Variants in GEN1 observed in about 807,000 individuals in gnomAD.
GEN1 encodes GEN1 structure-specific endonuclease.
Under a neutral mutation model 67.6 loss-of-function variants are expected in GEN1, and 64 were observed. That is an observed-to-expected ratio of 0.95 (90% CI 0.77 to 1.17). GEN1 has a LOEUF of 1.17. GEN1 is among the 50% of genes most tolerant of loss of function. The pLI is 0.00. For synonymous variants in GEN1, 371 were observed against 359.4 expected (o/e 1.03, Z -0.37); for missense variants, 1,058 against 1,048.3 (o/e 1.01, Z -0.13).
In GEN1 at chr2:17,787,086, G is replaced by T. The variant is rs1207602879; in HGVS notation, c.*5147G>T. 1 of 152,192 alleles carries T rather than the reference G, an allele frequency of 6.6e-6. No individual in the cohort carries two copies. The highest frequency in any genetic ancestry group is 1.5e-5 in the Non-Finnish European group (1 of 68,064). 9.4% of individuals were successfully genotyped at this position (152,192 alleles called of 1,614,324 possible). On this transcript the variant is annotated 3_prime_UTR_variant, in exon 14 of 14. Transcript: ENST00000381254. ...ACGGATGTCTCTGCCTGAAATGCTT[G>T]CTGCTTCCTTATTGGCTAGATAAAC...
rs1478239159 is a variant in GEN1, at chr2:17,778,279, TATAC to T, written c.1264+218_1264+221del. Among the ~76,000 whole-genome samples, 61 of 28,820 alleles carry T rather than the reference TATAC, an allele frequency of 2.1e-3. 6 individuals carry two copies. Among genetic ancestry groups the T allele is most frequent in the African/African-American group, 4.8e-3 (52 of 10,798 alleles). 18.9% of individuals were successfully genotyped at this position (28,820 alleles called of 152,430 possible). ...ACACATATGTGTGTACATATATGTATATACACACACATGTGTGTGTACATATATG... is the reference window on the plus strand; with the variant it reads ...ACACATATGTGTGTACATATATGTATACACACATGTGTGTGTACATATATG... On this transcript the variant is annotated intron_variant, in intron 12 of 13. Coordinates refer to ENST00000381254, the MANE Select transcript of GEN1 (RefSeq NM_001130009.3).
intron 1 of GEN1, among the ~76,000 whole-genome samples, chr2:17,758,697 C>T (rs1036449903): frequency 2.6e-5 from 4 of 151,994 alleles, no homozygotes; most frequent in African/African-American, 9.7e-5. Flanking sequence ...CAGAATAATA[C>T]TCATGGCAGG....
chr2:17,770,175 G>A (rs1001708747), intron 6 of GEN1, among the ~76,000 whole-genome samples: 4 of 152,064 alleles, frequency 2.6e-5, no homozygotes, highest in African/African-American at 4.8e-5. Flanking sequence ...ATAACACCTG[G>A]CTAACTCCAA....
rs1478222085 is a variant in GEN1 at position 17,778,260 on chromosome 2, A to ACG, written c.1264+197_1264+198insCG. 1.7e-3 allele frequency among the ~76,000 whole-genome samples: 62 copies of ACG among 37,278 alleles called. 11 individuals are homozygous for ACG. Among genetic ancestry groups the ACG allele is most frequent in the African/African-American group, 3.3e-3 (52 of 15,644 alleles). 24.5% of individuals were successfully genotyped at this position (37,278 alleles called of 152,430 possible). A position where few individuals can be genotyped will look rare whatever the true frequency, so the allele number is the denominator to read the frequency against. On this transcript the variant is annotated intron_variant, in intron 12 of 13. Transcript: ENST00000381254. ...TGTGTACATATATGTATACACACAT[A>ACG]TGTGTGTACATATATGTATATACAC...
At chr2:17,761,305 C>A in intron 2 of GEN1, 91 bp from the exon 3 acceptor site, 1 of 651,670 alleles carries the variant, frequency 1.5e-6, no homozygotes, top group Non-Finnish European at 2.6e-6. Context: ...GTTTTTGATA[C>A]TAGTCTAATG....
chr2:17,769,012 G>T (rs565578750), intron 6 of GEN1, among the ~76,000 whole-genome samples: 2 of 151,828 alleles, frequency 1.3e-5, no homozygotes, highest in African/African-American at 2.4e-5. Flanking sequence ...GTTCCAAGCC[G>T]TATTGCATTT....
rs1572432039 is a variant in GEN1, at chr2:17,784,562, A to C, written c.*2623A>C. The C allele has an allele frequency of 6.6e-6, 1 of 152,252 alleles. No homozygotes were observed. Among genetic ancestry groups the C allele is most frequent in the South Asian group, 2.1e-4 (1 of 4,832 alleles). 9.4% of individuals were successfully genotyped at this position (152,252 alleles called of 1,614,324 possible). On this transcript the variant is annotated 3_prime_UTR_variant, in exon 14 of 14. Transcript: ENST00000381254. ...ATAGCCTAAAAGTGGAAACAATCCC[A>C]GTTCCAGAATGAGGAAGGGGAGAAA... is the stretch of plus-strand genomic sequence containing the variant.
At chr2:17,753,498 C>T (rs1029634656), upstream of GEN1, 8 of 152,442 alleles carry the variant, frequency 5.2e-5, no homozygotes, top group African/African-American at 1.9e-4. Context: ...CAAGGACGAC[C>T]ATGAACACCG....
intron 10 of GEN1, among the ~76,000 whole-genome samples, chr2:17,773,721 AAAT>A (rs1672300208): frequency 6.6e-6 from 1 of 152,134 alleles, no homozygotes; most frequent in Admixed American, 6.6e-5. Context: ...CTCAAAACAG[AAAT>A]AATATTACTT....
intron 3 of GEN1, among the ~76,000 whole-genome samples, chr2:17,762,377 TG>T (rs905299191): frequency 5.3e-5 from 8 of 151,562 alleles, no homozygotes; most frequent in Non-Finnish European, 1.2e-4. Flanking sequence ...AAGTTTTTTT[TG>T]TTTTTTTTTT....
intron 7 of GEN1, 24 bp from the exon 8 acceptor site, chr2:17,772,610 T>C (rs751360597): frequency 3.2e-6 from 5 of 1,570,646 alleles, no homozygotes; most frequent in Admixed American, 2.0e-5. Flanking sequence ...AAAAATATTA[T>C]ACTTTTTTTG....
intron 3 of GEN1, among the ~76,000 whole-genome samples, chr2:17,764,590 A>G (rs1671834768): frequency 6.6e-6 from 1 of 152,182 alleles, no homozygotes; most frequent in South Asian, 2.1e-4. Flanking sequence ...TTTTGAAGCA[A>G]ATCGTAGACA....
chr2:17,763,313 A>G (rs1298873499), intron 3 of GEN1, among the ~76,000 whole-genome samples: 1 of 152,288 alleles, frequency 6.6e-6, no homozygotes, highest in East Asian at 1.9e-4. Context: ...TGTATAATCA[A>G]TTCCTGGAAA....
At chr2:17,768,343 G>A (rs1672025898) in intron 5 of GEN1, among the ~76,000 whole-genome samples, 1 of 152,166 alleles carries the variant, frequency 6.6e-6, no homozygotes, top group Non-Finnish European at 1.5e-5. Flanking sequence ...AAATGTTCAT[G>A]TAATTAAATG....
At chr2:17,756,355 TGTAA>T (rs1671435287) in intron 1 of GEN1, among the ~76,000 whole-genome samples, 2 of 152,252 alleles carry the variant, frequency 1.3e-5, no homozygotes, top group South Asian at 4.1e-4. Flanking sequence ...CATTGATTCA[TGTAA>T]GTAGACTTGT....
At chr2:17,772,001 G>A (rs1177963910) in intron 7 of GEN1, among the ~76,000 whole-genome samples, 1 of 151,834 alleles carries the variant, frequency 6.6e-6, no homozygotes, top group Non-Finnish European at 1.5e-5. Context: ...ATAGTTTTTT[G>A]ATAACTTATA....
intron 7 of GEN1, 55 bp from the exon 8 acceptor site, chr2:17,772,579 A>G: frequency 2.0e-6 from 3 of 1,500,914 alleles, no homozygotes; most frequent in Non-Finnish European, 2.7e-6. Context: ...GAATGTATGT[A>G]GAAAGTAATT....
rs944175795 is a variant in GEN1, at chr2:17,782,205, C to T, written c.*266C>T. ...GTAGTTTTAAAATATTGGTATAGTA[C>T]TTGACAGAGTAAATACTTCATCTGA... is the stretch of plus-strand genomic sequence containing the variant. On this transcript the variant is annotated 3_prime_UTR_variant, in exon 14 of 14. Transcript: ENST00000381254. The T allele has an allele frequency of 1.2e-5, 3 of 255,912 alleles. No homozygotes were observed. The highest frequency in any genetic ancestry group is 6.7e-5 in the African/African-American group (3 of 44,868). The allele number at this position is 255,912 out of a possible 1,614,324, so 15.9% of individuals were successfully genotyped here.
At position 17,764,928 on chromosome 2, in the gene GEN1, C is replaced by A; in HGVS notation, c.380C>A (p.Pro127His). 6.2e-7 allele frequency: 1 copy of A among 1,614,018 alleles called. No individual in the cohort carries two copies. Residue 127 changes from proline to histidine, a missense_variant, in exon 4 of 14, where the codon CCC (proline) becomes CAC (histidine). Coordinates refer to ENST00000381254, the MANE Select transcript of GEN1 (RefSeq NM_001130009.3). The part of the protein sequence containing the change: ...CLHMLECLGI[P>H]WVQAAGEAEA... Reference sequence around the variant, plus strand: ...CATATGCTCGAATGCTTAGGAATCCCCTGGGTTCAGGCTGCTGGGGAAGCT... The same window carrying A: ...CATATGCTCGAATGCTTAGGAATCCACTGGGTTCAGGCTGCTGGGGAAGCT...
Sources: gnomAD v4.1 joint callset for allele counts (sites outside exome capture counted in the v4.1 genomes callset) on GRCh38, gnomAD v4.1.1 for gene constraint, MANE v1.5 for transcripts, NCBI Gene and HGNC (gene_info 2026-07-23, HGNC 2026-07-21) for gene names.